Variants in DMD observed in about 807,000 individuals in gnomAD.
DMD encodes mutant dystrophin.
Under a neutral mutation model 330.1 loss-of-function variants are expected in DMD, and 63 were observed. That is an observed-to-expected ratio of 0.19 (90% CI 0.16 to 0.24). DMD has a LOEUF of 0.24. Ranked by LOEUF, DMD falls within the 10% of genes least tolerant of loss-of-function variation. The pLI, the probability that DMD is intolerant of heterozygous loss-of-function variation, is 1.00. For missense variants in DMD, 3,344 were observed against 2,684.1 expected (o/e 1.25, Z -5.43); for synonymous variants, 1,223 against 959.8 (o/e 1.27, Z -5.07).
At chrX:32,238,263 T>C (rs1158397084) in intron 43 of DMD, among the ~76,000 whole-genome samples, 3 of 111,608 alleles carry the variant, frequency 2.7e-5, no homozygotes, top group African/African-American at 9.8e-5. Flanking sequence ...GCATAGCTTA[T>C]TTTATGAGGT....
intron 44 of DMD, among the ~76,000 whole-genome samples, chrX:32,081,855 A>AAATAAT (rs748420139): frequency 1.8e-5 from 2 of 110,024 alleles, no homozygotes; most frequent in Non-Finnish European, 3.8e-5. Context: ...ATTCTGTCTA[A>AAATAAT]AATAATAATA....
chrX:32,655,684 T>C (rs1391932866), intron 9 of DMD, among the ~76,000 whole-genome samples: 3 of 111,685 alleles, frequency 2.7e-5, no homozygotes, highest in Non-Finnish European at 5.6e-5. Flanking sequence ...GTTCAATTCT[T>C]GGATATCCTT....
At chrX:31,187,969 C>A (rs963524467) in intron 67 of DMD, among the ~76,000 whole-genome samples, 8 of 111,832 alleles carry the variant, frequency 7.2e-5, no homozygotes, top group African/African-American at 2.6e-4. Flanking sequence ...TTTCCTGATG[C>A]TGAAAGTTGT....
chrX:32,260,156 G>A (rs1042224057), intron 43 of DMD, among the ~76,000 whole-genome samples: 4 of 111,208 alleles, frequency 3.6e-5, no homozygotes, highest in African/African-American at 9.8e-5. Context: ...AGTGTAGGAA[G>A]TGATGCATCA....
intron 2 of DMD, among the ~76,000 whole-genome samples, chrX:32,946,935 T>C (rs919209836): frequency 2.7e-5 from 3 of 112,374 alleles, no homozygotes; most frequent in Non-Finnish European, 5.6e-5. Context: ...CGTGATGTTC[T>C]AAATATCAGC....
chrX:31,577,861 T>C (rs1445505785), intron 55 of DMD, among the ~76,000 whole-genome samples: 1 of 111,808 alleles, frequency 8.9e-6, no homozygotes, highest in African/African-American at 3.3e-5. Flanking sequence ...GAGTTACAAC[T>C]TATCTTTAAA....
In DMD at chrX:32,315,797, T is replaced by G. The variant is rs761553797; in HGVS notation, c.5923-5521A>C. Among the ~76,000 whole-genome samples the G allele has an allele frequency of 1.6e-4, 18 of 111,769 alleles. No homozygotes were observed. In the Admixed American group the frequency reaches 1.6e-3, roughly 10 times the overall value. On this transcript the variant is annotated intron_variant, in intron 41 of 78. Transcript: ENST00000357033. Reference sequence around the variant, plus strand: ...CAGAACATTAAACTAAAAACCATTTTCACCTATCTTTCAAAGAAAATCTCT... The same window carrying G: ...CAGAACATTAAACTAAAAACCATTTGCACCTATCTTTCAAAGAAAATCTCT...
rs969925680 is a variant in DMD at position 32,287,618 on chromosome X, C to T, written c.6201G>A (p.Thr2067=). The change falls in exon 43 of 79, where the codon ACG becomes ACA. Residue 2067 remains threonine, a synonymous_variant. Coordinates refer to ENST00000357033, the MANE Select transcript of DMD (RefSeq NM_004006.3). The part of the protein sequence containing the change: ...SKKTAALQSA[T]PVERVKLQEA... The stretch of plus-strand genomic sequence containing the variant: ...CCTGTAGCTTCACCCTTTCCACAGG[C>T]GTTGCACTTTGCAATGCTGCTGTCT... 9.1e-6 allele frequency: 11 copies of T among 1,208,377 alleles called. No homozygotes were observed. The highest frequency in any genetic ancestry group is 4.4e-5 in the Admixed American group (2 of 45,644).
At chrX:32,235,986 T>G (rs2061248) in intron 43 of DMD, among the ~76,000 whole-genome samples, 10,775 of 111,677 alleles carry the variant, frequency 0.096, 533 homozygotes, top group Admixed American at 0.15. Flanking sequence ...CTCTTTATCA[T>G]TTATTAGTTC....
intron 10 of DMD, among the ~76,000 whole-genome samples, chrX:32,644,633 C>A (rs961269418): frequency 1.8e-5 from 2 of 110,159 alleles, no homozygotes; most frequent in Non-Finnish European, 3.8e-5. Context: ...AGAAGCCAAA[C>A]GAGTGTATCA....
intron 7 of DMD, among the ~76,000 whole-genome samples, chrX:32,772,252 C>T (rs1294705652): frequency 8.9e-6 from 1 of 112,831 alleles, no homozygotes; most frequent in Non-Finnish European, 1.9e-5. Context: ...TATGCACTTA[C>T]ATCCCACAAG....
At chrX:31,547,417 T>C (rs1361385252) in intron 55 of DMD, among the ~76,000 whole-genome samples, 3 of 112,352 alleles carry the variant, frequency 2.7e-5, no homozygotes, top group Admixed American at 9.4e-5. Flanking sequence ...AATCACACAA[T>C]GGCTGGAGAT....
intron 1 of DMD, among the ~76,000 whole-genome samples, chrX:33,166,614 G>A (rs776056571): frequency 9.0e-6 from 1 of 110,921 alleles, no homozygotes; most frequent in Admixed American, 9.6e-5. Context: ...CCAAAAAAGT[G>A]TGTTACCTGA....
chrX:32,655,620 T>C (rs758240116), intron 9 of DMD, among the ~76,000 whole-genome samples: 1 of 111,954 alleles, frequency 8.9e-6, no homozygotes, highest in Admixed American at 9.5e-5. Context: ...AATCTGTTGA[T>C]TAGGGGTGGA....
intron 48 of DMD, among the ~76,000 whole-genome samples, chrX:31,866,278 G>A (rs774799219): frequency 2.5e-4 from 28 of 111,316 alleles, no homozygotes; most frequent in Non-Finnish European, 3.8e-4. Context: ...TCTCTAAAGC[G>A]TTATGCTCCC....
chrX:32,898,372 A>T (rs1157714911), intron 2 of DMD, among the ~76,000 whole-genome samples: 2 of 112,161 alleles, frequency 1.8e-5, no homozygotes, highest in African/African-American at 3.2e-5. Flanking sequence ...TTAAGCCCCA[A>T]AATCAGGGCT....
upstream of DMD, among the ~76,000 whole-genome samples, chrX:33,216,456 G>C (rs1264729925): frequency 5.4e-5 from 6 of 111,087 alleles, no homozygotes; most frequent in African/African-American, 2.0e-4. Flanking sequence ...AGGGGGAATG[G>C]AGGGAAGCGG....
intron 1 of DMD, among the ~76,000 whole-genome samples, chrX:33,310,977 G>T (rs2053839290): frequency 1.8e-5 from 2 of 110,574 alleles, no homozygotes. Context: ...AATGAATCGA[G>T]AGTTTTGCTG....
At chrX:32,765,317 G>C (rs5928076) in intron 7 of DMD, among the ~76,000 whole-genome samples, 10,413 of 109,788 alleles carry the variant, frequency 0.095, 539 homozygotes, top group Middle Eastern at 0.15. Context: ...TCTCGTGATA[G>C]AGAGTTCTTA....
Sources: allele counts gnomAD v4.1 joint callset (sites outside exome capture counted in the v4.1 genomes callset), GRCh38; gene constraint gnomAD v4.1.1; transcripts MANE v1.5; gene names NCBI Gene and HGNC (gene_info 2026-07-23, HGNC 2026-07-21).